Variants in DNAH6 observed in about 807,000 individuals in gnomAD.
DNAH6 encodes the protein axonemal beta dynein heavy chain 6.
In DNAH6, 340 loss-of-function variants were observed where a neutral mutation model predicts 491.4. That is an observed-to-expected ratio of 0.69 (90% CI 0.63 to 0.76). DNAH6 has a LOEUF of 0.76. DNAH6 is among the 30% of genes least tolerant of loss of function. The pLI, the probability that DNAH6 is intolerant of heterozygous loss-of-function variation, is 0.00. For missense variants in DNAH6, 4,443 were observed against 4,972.2 expected (o/e 0.89, Z 3.20); for synonymous variants, 1,603 against 1,686.1 (o/e 0.95, Z 1.21).
At chr2:84,604,639 C>A in intron 19 of DNAH6, 88 bp downstream of exon 19, 2 of 1,004,558 alleles carry the variant, frequency 2.0e-6, no homozygotes, top group South Asian at 1.6e-5. Context: ...ATGTTTTTTT[C>A]AACGTTGCAG....
chr2:84,701,358 A>G lies in DNAH6; in HGVS notation c.8061+19A>G. The G allele has an allele frequency of 1.3e-6, 2 of 1,536,014 alleles. No homozygotes were observed. Among genetic ancestry groups the G allele is most frequent in the Admixed American group, 2.0e-5 (1 of 50,030 alleles). On this transcript the variant is annotated intron_variant, in intron 49 of 76. Coordinates refer to ENST00000389394, the MANE Select transcript of DNAH6 (RefSeq NM_001370.2). The stretch of plus-strand genomic sequence containing the variant: ...TATTTCAGTAGGTTCAATATTATCC[A>G]TGAAAATATTGTTTTGCTTGAACTC...
chr2:84,598,187 C>CTTTCTTTCTTTT (rs1558774295), intron 18 of DNAH6, among the ~76,000 whole-genome samples: 1 of 22,996 alleles, frequency 4.3e-5, no homozygotes, highest in Non-Finnish European at 1.6e-4. Context: ...TTCTCTCTTT[C>CTTTCTTTCTTTT]TTTTCTTTCT....
chr2:84,527,314 C>A (rs1676694973), intron 3 of DNAH6, among the ~76,000 whole-genome samples: 3 of 152,040 alleles, frequency 2.0e-5, no homozygotes, highest in Admixed American at 6.5e-5. Context: ...ACCTATGTTA[C>A]TGCTGAAGAA....
chr2:84,676,671 A>C (rs1693261553), intron 40 of DNAH6, among the ~76,000 whole-genome samples: 1 of 152,204 alleles, frequency 6.6e-6, no homozygotes, highest in African/African-American at 2.4e-5. Flanking sequence ...AACTACCATG[A>C]ATAATGAATA....
the DNAH6 span, among the ~76,000 whole-genome samples, chr2:84,498,520 A>T: frequency 6.6e-6 from 1 of 151,574 alleles, no homozygotes; most frequent in Non-Finnish European, 1.5e-5. Flanking sequence ...AAAAAATTTG[A>T]GAAGTTGGGT....
Position 84,681,520 on chromosome 2 carries a change from G to A in DNAH6, c.6908G>A (p.Cys2303Tyr), listed in dbSNP as rs1487440155. The A allele has an allele frequency of 2.6e-6, 4 of 1,544,668 alleles. No individual in the cohort carries two copies. Among genetic ancestry groups the A allele is most frequent in the Non-Finnish European group, 3.5e-6 (4 of 1,144,096 alleles). ...TTTAACTTGAGGGACTTATCCAAAT[G>A]TGTGCAAGGTAGTGTACTGAACCCT... ...YVFNLRDLSK[C>Y]VQGILQCDPG... Residue 2303 changes from cysteine (C) to tyrosine (Y), a missense_variant, in exon 42 of 77, where the codon TGT (cysteine) becomes TAT (tyrosine). By Grantham distance (194) the Cys-to-Tyr change is radical. Transcript: ENST00000389394.
chr2:84,667,100 A>G (rs1024412513), intron 37 of DNAH6, among the ~76,000 whole-genome samples: 1 of 152,242 alleles, frequency 6.6e-6, no homozygotes, highest in Non-Finnish European at 1.5e-5. Context: ...ATTAATTTCA[A>G]GATGGATTAA....
intron 12 of DNAH6, among the ~76,000 whole-genome samples, 154 bp downstream of exon 12, chr2:84,573,741 T>G (rs778291723): frequency 9.9e-5 from 15 of 152,246 alleles, no homozygotes; most frequent in Admixed American, 5.9e-4. Flanking sequence ...TCTAGGTTAT[T>G]TTCTATAGAA....
At chr2:84,784,229 T>TGCCA (rs1198625645) in intron 65 of DNAH6, among the ~76,000 whole-genome samples, 10 of 152,220 alleles carry the variant, frequency 6.6e-5, no homozygotes. Context: ...AACGTGCTAA[T>TGCCA]GCCACACATG....
At chr2:84,616,363 G>A (rs1194315683) in intron 22 of DNAH6, among the ~76,000 whole-genome samples, 4 of 151,884 alleles carry the variant, frequency 2.6e-5, no homozygotes, top group African/African-American at 9.7e-5. Context: ...TATAAATTTG[G>A]GAGCTCCAGT....
intron 63 of DNAH6, among the ~76,000 whole-genome samples, chr2:84,746,058 C>G (rs1672953403): frequency 6.6e-6 from 1 of 152,034 alleles, no homozygotes; most frequent in Admixed American, 6.5e-5. Context: ...ATAGTTGTGC[C>G]AACAACTAAG....
intron 63 of DNAH6, among the ~76,000 whole-genome samples, chr2:84,753,817 T>C (rs1673719556): frequency 6.8e-6 from 1 of 147,852 alleles, no homozygotes; most frequent in African/African-American, 2.5e-5. Flanking sequence ...CTTTGATACA[T>C]TTTGAGTTAA....
intron 64 of DNAH6, among the ~76,000 whole-genome samples, chr2:84,772,481 T>C (rs1419435770): frequency 6.6e-6 from 1 of 151,884 alleles, no homozygotes; most frequent in Non-Finnish European, 1.5e-5. Flanking sequence ...ATCCAACCAG[T>C]GACTAAAAGA....
intron 18 of DNAH6, among the ~76,000 whole-genome samples, chr2:84,602,148 T>C (rs1172172791): frequency 6.6e-6 from 1 of 152,062 alleles, no homozygotes; most frequent in Non-Finnish European, 1.5e-5. Flanking sequence ...AAAATGAATT[T>C]TACTTTACCA....
Position 84,547,389 on chromosome 2 carries a change from T to G in DNAH6, c.1052T>G (p.Ile351Arg). 1 of 1,551,804 alleles carries G rather than the reference T, an allele frequency of 6.4e-7. No individual in the cohort carries two copies. The highest frequency in any genetic ancestry group is 1.2e-5 in the South Asian group (1 of 84,042). Residue 351 changes from isoleucine (I) to arginine (R), a missense_variant, in exon 6 of 77, where the codon ATA becomes AGA. Ile to Arg is a moderately conservative substitution (Grantham distance 97). Coordinates refer to ENST00000389394, the MANE Select transcript of DNAH6 (RefSeq NM_001370.2). The stretch of plus-strand genomic sequence containing the variant: ...CAGGAATTTAAGGCCGCACAAGTCA[T>G]ACGGCTAGCAGAGGTAACAAATTTT... Reference protein sequence around the residue: ...TLQEFKAAQVIRLAEVTERLG... With the variant: ...TLQEFKAAQVRRLAEVTERLG...
In DNAH6 at chr2:84,653,608, G is replaced by A. The variant is rs1222649249; in HGVS notation, c.5368G>A (p.Val1790Ile). 5.8e-6 allele frequency: 9 copies of A among 1,551,180 alleles called. No homozygotes were observed. The highest frequency in any genetic ancestry group is 3.9e-5 in the Admixed American group (2 of 50,958). The change falls in exon 34 of 77, where the codon GTT becomes ATT. Residue 1790 changes from valine (V) to isoleucine (I), a missense_variant. Coordinates refer to ENST00000389394, the MANE Select transcript of DNAH6 (RefSeq NM_001370.2). ...NSFYQAVKTY[V>I]LNPKSITMGE... ...CTTTTACCAAGCAGTTAAAACATAT[G>A]TTCTCAACCCTAAATCAATTACCAT...
Position 84,813,034 on chromosome 2 carries a change from A to G in DNAH6, c.11926-24A>G, listed in dbSNP as rs758154959. ...AAATTCCATCCCAGAAATAACGTTTATTATGAATATGTTTCTCCTTCAGCT... is the reference window on the plus strand; with the variant it reads ...AAATTCCATCCCAGAAATAACGTTTGTTATGAATATGTTTCTCCTTCAGCT... On this transcript the variant is annotated intron_variant, in intron 73 of 76. Transcript: ENST00000389394. 5.2e-6 allele frequency: 8 copies of G among 1,535,202 alleles called. No individual in the cohort carries two copies. In the South Asian group the frequency reaches 8.4e-5, roughly 16 times the overall value.
Position 84,701,248 on chromosome 2 carries a change from G to A in DNAH6, c.7970G>A (p.Arg2657His), listed in dbSNP as rs931999477. Residue 2657 changes from arginine to histidine, a missense_variant, in exon 49 of 77, where the codon CGC (arginine) becomes CAC (histidine). Physicochemically the swap from Arg to His is conservative, Grantham distance 29 (BLOSUM62 0). This residue lies in a region of DNAH6 where 2,977 missense variants were observed against 3,296.6 expected (regional missense o/e 0.90). Coordinates refer to ENST00000389394, the MANE Select transcript of DNAH6 (RefSeq NM_001370.2). ...SMAERYYNEL[R>H]RRYYTTPTSY... The stretch of plus-strand genomic sequence containing the variant: ...GCAGAGCGCTATTACAATGAGCTGC[G>A]CAGGCGGTACTACACGACACCCACC... 3.2e-5 allele frequency: 49 copies of A among 1,551,662 alleles called. No homozygotes were observed. In the Admixed American group the frequency reaches 4.5e-4, roughly 14 times the overall value.
At chr2:84,806,187 A>G (rs1441580577) in intron 71 of DNAH6, among the ~76,000 whole-genome samples, 2 of 152,220 alleles carry the variant, frequency 1.3e-5, no homozygotes. Flanking sequence ...AAGTGCTATC[A>G]TATTGGACAG....
Sources: allele counts gnomAD v4.1 joint callset (sites outside exome capture counted in the v4.1 genomes callset), GRCh38; gene constraint gnomAD v4.1.1; regional missense constraint gnomAD v4.1.1; transcripts MANE v1.5; gene names NCBI Gene and HGNC (gene_info 2026-07-23, HGNC 2026-07-21).